Variants in DTWD2 observed in about 807,000 individuals in gnomAD.
DTWD2 encodes tRNA-uridine aminocarboxypropyltransferase 2.
DTWD2 carries 39 observed loss-of-function variants against 31.8 expected under a neutral mutation model. That is an observed-to-expected ratio of 1.22 (90% CI 0.95 to 1.60). The LOEUF (loss-of-function observed/expected upper bound fraction) is 1.60. Among genes scored for constraint, DTWD2 ranks in the 40% most tolerant of loss-of-function variants. DTWD2 has a pLI of 0.00. For missense variants in DTWD2, 515 were observed against 381.5 expected (o/e 1.35, Z -2.92); for synonymous variants, 180 against 142.8 (o/e 1.26, Z -1.86).
At chr5:118,950,235 A>G (rs920761939) in intron 1 of DTWD2, among the ~76,000 whole-genome samples, 1 of 151,564 alleles carries the variant, frequency 6.6e-6, no homozygotes, top group African/African-American at 2.4e-5. Flanking sequence ...AAAAAAAAAA[A>G]AAGAATATTG....
At position 118,954,811 on chromosome 5, in the gene DTWD2, G is replaced by A. The variant is rs568535990; in HGVS notation, c.219-10162C>T. ...GCTGAAGTTACAGGCGTGAGCCACC[G>A]TGCCCAGCCTGAAGGAATATCTTTA... On this transcript the variant is annotated intron_variant, in intron 1 of 5. Coordinates refer to ENST00000510708, the MANE Select transcript of DTWD2 (RefSeq NM_173666.4). 5.3e-5 allele frequency among the ~76,000 whole-genome samples: 8 copies of A among 152,124 alleles called. No individual in the cohort carries two copies. In the South Asian group the frequency reaches 6.2e-4, roughly 12 times the overall value.
At chr5:118,969,366 C>G (rs1039026056) in intron 1 of DTWD2, among the ~76,000 whole-genome samples, 4 of 152,314 alleles carry the variant, frequency 2.6e-5, no homozygotes, top group East Asian at 1.9e-4. Context: ...TGATCCTGTT[C>G]CCCCTGACTG....
intron 1 of DTWD2, among the ~76,000 whole-genome samples, chr5:118,959,485 T>C (rs1754660976): frequency 6.6e-6 from 1 of 152,192 alleles, no homozygotes; most frequent in Admixed American, 6.5e-5. Flanking sequence ...CCCAAGCTCA[T>C]GGATAGGAAG....
intron 1 of DTWD2, among the ~76,000 whole-genome samples, chr5:118,971,143 C>A (rs1335423747): frequency 6.6e-6 from 1 of 152,156 alleles, no homozygotes; most frequent in East Asian, 1.9e-4. Flanking sequence ...ACAATATTAA[C>A]CTTAAGTGTA....
intron 1 of DTWD2, chr5:118,988,026 A>T: frequency 1.4e-6 from 1 of 694,218 alleles, no homozygotes. Flanking sequence ...TGGACGCTTA[A>T]GTTTCTTGGA....
chr5:118,883,971 T>G (rs973771401), intron 4 of DTWD2, among the ~76,000 whole-genome samples: 1 of 152,202 alleles, frequency 6.6e-6, no homozygotes. Context: ...GACAGAATAG[T>G]GTAGTTCAAA....
At chr5:118,967,555 G>A (rs540532117) in intron 1 of DTWD2, among the ~76,000 whole-genome samples, 1 of 152,150 alleles carries the variant, frequency 6.6e-6, no homozygotes, top group Non-Finnish European at 1.5e-5. Flanking sequence ...CTGTCAAAAG[G>A]TTCCAGGAAC....
chr5:118,862,289 C>A (rs1047949202), intron 4 of DTWD2, among the ~76,000 whole-genome samples: 4 of 152,170 alleles, frequency 2.6e-5, no homozygotes, highest in Non-Finnish European at 4.4e-5. Context: ...AGGTTGGGGA[C>A]TACTGGGCTA....
intron 4 of DTWD2, among the ~76,000 whole-genome samples, chr5:118,896,931 A>G (rs1250004264): frequency 6.6e-6 from 1 of 152,190 alleles, no homozygotes; most frequent in African/African-American, 2.4e-5. Flanking sequence ...TAACCATTAG[A>G]CGAAAACCAC....
chr5:118,960,748 T>TAAAA (rs147032865), intron 1 of DTWD2, among the ~76,000 whole-genome samples: 228 of 150,712 alleles, frequency 1.5e-3, no homozygotes, highest in African/African-American at 5.3e-3. Flanking sequence ...TATGCAGCCA[T>TAAAA]AAAAAAAAAC....
chr5:118,961,047 A>C (rs1459801258), intron 1 of DTWD2, among the ~76,000 whole-genome samples: 1 of 148,584 alleles, frequency 6.7e-6, no homozygotes, highest in Non-Finnish European at 1.5e-5. Flanking sequence ...CTATAGATCC[A>C]ACCTGCACAT....
At chr5:118,862,289 C>T (rs1047949202) in intron 4 of DTWD2, among the ~76,000 whole-genome samples, 7 of 152,288 alleles carry the variant, frequency 4.6e-5, no homozygotes, top group Non-Finnish European at 1.0e-4. Context: ...AGGTTGGGGA[C>T]TACTGGGCTA....
At chr5:118,942,717 T>C (rs1754233900) in intron 2 of DTWD2, among the ~76,000 whole-genome samples, 1 of 152,024 alleles carries the variant, frequency 6.6e-6, no homozygotes, top group Non-Finnish European at 1.5e-5. Flanking sequence ...AGCTATCTTA[T>C]ATCTGGAACC....
chr5:118,885,546 A>G (rs981676949), intron 4 of DTWD2, among the ~76,000 whole-genome samples: 2 of 150,676 alleles, frequency 1.3e-5, no homozygotes, highest in South Asian at 2.1e-4. Context: ...TGGGCGGATC[A>G]CCTGAAGTCA....
chr5:118,931,083 T>C (rs529402061), intron 3 of DTWD2, among the ~76,000 whole-genome samples: 2 of 151,658 alleles, frequency 1.3e-5, no homozygotes, highest in South Asian at 2.1e-4. Flanking sequence ...GATGAAGATA[T>C]ATGATAATAC....
intron 4 of DTWD2, among the ~76,000 whole-genome samples, chr5:118,866,862 A>C (rs1752391126): frequency 6.6e-6 from 1 of 152,110 alleles, no homozygotes; most frequent in South Asian, 2.1e-4. Context: ...GGTTGCAGTG[A>C]GCCAAGATCA....
At chr5:118,961,838 A>T (rs778611098) in intron 1 of DTWD2, among the ~76,000 whole-genome samples, 1 of 152,184 alleles carries the variant, frequency 6.6e-6, no homozygotes, top group Admixed American at 6.5e-5. Context: ...ACAGTTAAAA[A>T]TTTTCTTTGC....
intron 4 of DTWD2, among the ~76,000 whole-genome samples, chr5:118,854,011 G>C (rs1358347503): frequency 1.3e-5 from 2 of 152,166 alleles, no homozygotes; most frequent in Admixed American, 1.3e-4. Flanking sequence ...TTAACTTTTA[G>C]TTGGAAAATT....
intron 1 of DTWD2, among the ~76,000 whole-genome samples, chr5:118,959,954 TA>T (rs1443676073): frequency 1.3e-5 from 2 of 152,034 alleles, no homozygotes; most frequent in Admixed American, 1.3e-4. Context: ...CAAGATGGAT[TA>T]AAAACTTCAA....
Sources: allele counts gnomAD v4.1 joint callset (sites outside exome capture counted in the v4.1 genomes callset), GRCh38; gene constraint gnomAD v4.1.1; transcripts MANE v1.5; gene names NCBI Gene and HGNC (gene_info 2026-07-23, HGNC 2026-07-21).